Variants in CSAG1 observed in about 807,000 individuals in gnomAD.
CSAG1 encodes the protein chondrosarcoma-associated gene 1 protein.
CSAG1 carries 4 observed loss-of-function variants against 4.8 expected under a neutral mutation model. That is an observed-to-expected ratio of 0.83 (90% CI 0.41 to 1.90). The LOEUF (loss-of-function observed/expected upper bound fraction) is 1.90. CSAG1 is among the 40% of genes most tolerant of loss of function. The probability of loss-of-function intolerance (pLI) is 0.03; values close to 1 mark genes in which losing one functional copy is unlikely to be tolerated. For missense variants in CSAG1, 69 were observed against 59.5 expected (o/e 1.16, Z -0.53); for synonymous variants, 21 against 23.1 (o/e 0.91, Z 0.26).
Position 152,728,185 on chromosome X carries a change from C to T in CSAG1, c.56G>A (p.Gly19Glu). ...PAFTVLGEAR[G>E]DQVDWSRLYR... ...CAGTCTACTCCAGTCCACCTGGTCT[C>T]CCCGAGCTTCCCCCAGGACAGTGAA... The change falls in exon 3 of 4, where the codon GGA (glycine) becomes GAA (glutamate). Residue 19 changes from glycine (G) to glutamate (E), a missense_variant. Coordinates refer to ENST00000452779, the MANE Select transcript of CSAG1 (RefSeq NM_001102576.3). 3 of 1,211,277 alleles carry T rather than the reference C, an allele frequency of 2.5e-6. No homozygotes were observed. Among genetic ancestry groups the T allele is most frequent in the Non-Finnish European group, 3.4e-6 (3 of 895,201 alleles).
chrX:152,732,694 C>T (rs1431923160), intron 1 of CSAG1, among the ~76,000 whole-genome samples, 190 bp from the exon 2 acceptor site: 12 of 112,327 alleles, frequency 1.1e-4, no homozygotes, highest in African/African-American at 3.2e-4. Flanking sequence ...CCTGCCTAGA[C>T]GGCAGATAAC....
chrX:152,732,280 T>C (rs1932173125), intron 2 of CSAG1, among the ~76,000 whole-genome samples, 165 bp downstream of exon 2: 3 of 112,409 alleles, frequency 2.7e-5, no homozygotes, highest in Non-Finnish European at 5.6e-5. Flanking sequence ...AGAAGTCTAA[T>C]AAAAATGTAT....
At position 152,728,299 on chromosome X, in the gene CSAG1, A is replaced by T. The variant is rs73639102; in HGVS notation, c.17-75T>A. The T allele has an allele frequency of 5.9e-3, 5,772 of 986,149 alleles. 184 individuals are homozygous for T. In the African/African-American group the frequency reaches 0.092, roughly 16 times the overall value. 81.3% of individuals were successfully genotyped at this position (986,149 alleles called of 1,213,427 possible). ...TTCCAAGAAACCTTGGTCTTTTAAC[A>T]CCTTCAACTAATTGGATGAGGCCTA... On this transcript the variant is annotated intron_variant, in intron 2 of 3. Transcript: ENST00000452779.
rs1186309451 is a variant in CSAG1, at chrX:152,727,932, C to G, written c.168-69G>C. ...GAAGAGGATGGAGGAGGGGTGAGAA[C>G]AGGGGTTTCATAGAGAAATGGTACA... On this transcript the variant is annotated intron_variant, in intron 3 of 3. Transcript: ENST00000452779. The G allele has an allele frequency of 2.5e-6, 3 of 1,191,717 alleles. No individual in the cohort carries two copies. The African/African-American group carries it at 5.3e-5, about 21-fold the overall frequency.
intron 1 of CSAG1, chrX:152,733,246 T>A (rs782280625): frequency 9.0e-6 from 1 of 111,586 alleles, no homozygotes; most frequent in East Asian, 2.9e-4. Context: ...GCTGTGCAAA[T>A]GCACAGACGT....
Position 152,732,436 on chromosome X carries a change from G to C in CSAG1, c.16+9C>G, listed in dbSNP as rs782094042. 1.2e-5 allele frequency: 15 copies of C among 1,204,026 alleles called. No individual in the cohort carries two copies. Among genetic ancestry groups the C allele is most frequent in the Non-Finnish European group, 1.7e-5 (15 of 892,773 alleles). ...CTCAGCTTAAATTATTTACAATTTA[G>C]TGCCTTACCTGTAGTCGCCGACATT... On this transcript the variant is annotated intron_variant, in intron 2 of 3. Coordinates refer to ENST00000452779, the MANE Select transcript of CSAG1 (RefSeq NM_001102576.3).
In CSAG1 at chrX:152,728,191, G is replaced by A. The variant is rs1556830827; in HGVS notation, c.50C>T (p.Ala17Val). 3.7e-5 allele frequency: 45 copies of A among 1,209,475 alleles called. No individual in the cohort carries two copies. Among genetic ancestry groups the A allele is most frequent in the African/African-American group, 5.3e-5 (3 of 57,033 alleles). ...CWPAFTVLGE[A>V]RGDQVDWSRL... ...ACTCCAGTCCACCTGGTCTCCCCGA[G>A]CTTCCCCCAGGACAGTGAAGGCAGG... The change falls in exon 3 of 4, where the codon GCT (alanine) becomes GTT (valine). Residue 17 changes from alanine (A) to valine (V), a missense_variant. Ala to Val is a moderately conservative substitution (Grantham distance 64, BLOSUM62 0). Coordinates refer to ENST00000452779, the MANE Select transcript of CSAG1 (RefSeq NM_001102576.3).
At chrX:152,733,065 C>G in intron 1 of CSAG1, 1 of 112,303 alleles carries the variant, frequency 8.9e-6, no homozygotes, top group Non-Finnish European at 1.9e-5. Context: ...TTCTTCAATT[C>G]AGTGAATAAA....
chrX:152,730,027 C>G (rs1266715632), intron 2 of CSAG1, among the ~76,000 whole-genome samples: 2 of 50,024 alleles, frequency 4.0e-5, no homozygotes, highest in African/African-American at 1.4e-4. Context: ...TACACACACA[C>G]ACGCATTAAA....
chrX:152,728,278 A>T, intron 2 of CSAG1, 54 bp from the exon 3 acceptor site: 1 of 1,149,253 alleles, frequency 8.7e-7, no homozygotes, highest in East Asian at 3.0e-5. Flanking sequence ...TTCCTTTTCC[A>T]AGAAACCTTG....
chrX:152,727,520 T>G lies in CSAG1; in HGVS notation c.*274A>C. 1 of 411,964 alleles carries G rather than the reference T, an allele frequency of 2.4e-6. No homozygotes were observed. Among genetic ancestry groups the G allele is most frequent in the Non-Finnish European group, 4.4e-6 (1 of 228,739 alleles). The allele number at this position is 411,964 out of a possible 1,213,427, so 34.0% of individuals were successfully genotyped here. A position where few individuals can be genotyped will look rare whatever the true frequency, so the allele number is the denominator to read the frequency against. On this transcript the variant is annotated 3_prime_UTR_variant, in exon 4 of 4. Transcript: ENST00000452779. Reference sequence around the variant, plus strand: ...CATGTTCATTTTATTTCCATCACCATGGGGCATACCCTTTGGGGTGTAAAA... The same window carrying G: ...CATGTTCATTTTATTTCCATCACCAGGGGGCATACCCTTTGGGGTGTAAAA...
chrX:152,732,346 CT>C (rs1932175770), intron 2 of CSAG1, 98 bp downstream of exon 2: 13 of 1,041,300 alleles, frequency 1.2e-5, no homozygotes, highest in Non-Finnish European at 1.5e-5. Context: ...GAAAAAATAG[CT>C]TGACATACAT....
chrX:152,727,993 T>G, intron 3 of CSAG1, 81 bp downstream of exon 3: 1 of 1,208,628 alleles, frequency 8.3e-7, no homozygotes, highest in Non-Finnish European at 1.1e-6. Context: ...GAGGACAGGG[T>G]AGGAGTCAGA....
chrX:152,731,757 T>C (rs1178836973), intron 2 of CSAG1, among the ~76,000 whole-genome samples: 4 of 111,839 alleles, frequency 3.6e-5, no homozygotes, highest in Admixed American at 9.5e-5. Flanking sequence ...TGTAATTCCT[T>C]ACATACAAAA....
Position 152,727,856 on chromosome X carries a change from T to G in CSAG1, c.175A>C (p.Arg59=), listed in dbSNP as rs2124962480. Residue 59 remains arginine (R), a synonymous_variant, in exon 4 of 4, where the codon AGA becomes CGA. Transcript: ENST00000452779. ...GGTCCCTTTTCCCTTCTGGGTTGTC[T>G]TGGGAACCTGGAAAGCCAACAGGGA... ...NHPSTPKRFP[R]QPRREKGPVK... is the part of the protein sequence containing the mutation. The G allele has an allele frequency of 8.3e-7, 1 of 1,208,594 alleles. No individual in the cohort carries two copies. Among genetic ancestry groups the G allele is most frequent in the East Asian group, 3.0e-5 (1 of 33,764 alleles).
chrX:152,727,561 G>A lies in CSAG1; in HGVS notation c.*233C>T. 3 of 457,458 alleles carry A rather than the reference G, an allele frequency of 6.6e-6. No homozygotes were observed. The allele number at this position is 457,458 out of a possible 1,213,427, so 37.7% of individuals were successfully genotyped here. ...GGGTGTAAAACGTACTCTACACCCT[G>A]TTGGCTATTTATCTGGGGTTAGACT... On this transcript the variant is annotated 3_prime_UTR_variant, in exon 4 of 4. Coordinates refer to ENST00000452779, the MANE Select transcript of CSAG1 (RefSeq NM_001102576.3).
chrX:152,730,193 A>T (rs1932128761), intron 2 of CSAG1, among the ~76,000 whole-genome samples: 1 of 110,146 alleles, frequency 9.1e-6, no homozygotes, highest in African/African-American at 3.3e-5. Flanking sequence ...ATAGTATACG[A>T]GTCTATTTAT....
rs1188218441 is a variant in CSAG1, at chrX:152,727,529, C to A, written c.*265G>T. 5 of 425,869 alleles carry A rather than the reference C, an allele frequency of 1.2e-5. No individual in the cohort carries two copies. The African/African-American group carries it at 1.3e-4, about 11-fold the overall frequency. The allele number at this position is 425,869 out of a possible 1,213,427, so 35.1% of individuals were successfully genotyped here. A position where few individuals can be genotyped will look rare whatever the true frequency, so the allele number is the denominator to read the frequency against. On this transcript the variant is annotated 3_prime_UTR_variant, in exon 4 of 4. Coordinates refer to ENST00000452779, the MANE Select transcript of CSAG1 (RefSeq NM_001102576.3). Reference sequence around the variant, plus strand: ...TTTATTTCCATCACCATGGGGCATACCCTTTGGGGTGTAAAACGTACTCTA... The same window carrying A: ...TTTATTTCCATCACCATGGGGCATAACCTTTGGGGTGTAAAACGTACTCTA...
In CSAG1 at chrX:152,732,500, C is replaced by G. The variant is rs112733171; in HGVS notation, c.-40G>C. ...GGCTGCTGTGCTCTGCTTCCCAAAT[C>G]AACCCTGTAAATTTATAGAATGGAA... On this transcript the variant is annotated 5_prime_UTR_variant, in exon 2 of 4. An upstream open reading frame in the 5' UTR loses its in-frame stop. Transcript: ENST00000452779. The G allele has an allele frequency of 1.2e-4, 147 of 1,208,247 alleles. No homozygotes were observed. Among genetic ancestry groups the G allele is most frequent in the Non-Finnish European group, 1.6e-4 (142 of 894,724 alleles).
Sources: allele counts gnomAD v4.1 joint callset (sites outside exome capture counted in the v4.1 genomes callset), GRCh38; gene constraint gnomAD v4.1.1; transcripts MANE v1.5; gene names NCBI Gene and HGNC (gene_info 2026-07-23, HGNC 2026-07-21).